Variants in KCNQ4 observed in about 807,000 individuals in gnomAD.
KCNQ4 encodes potassium voltage-gated channel subfamily Q member 4.
In KCNQ4, 31 loss-of-function variants were observed where a neutral mutation model predicts 72.6. That is an observed-to-expected ratio of 0.43 (90% CI 0.32 to 0.58). The LOEUF is 0.58. Among genes scored for constraint, KCNQ4 ranks in the 20% least tolerant of loss-of-function variants. KCNQ4 has a pLI of 0.08. For synonymous variants in KCNQ4, 405 were observed against 403.7 expected (o/e 1.00, Z -0.04); for missense variants, 869 against 962.6 (o/e 0.90, Z 1.29).
chr1:40,831,688 A>G (rs1319716201), intron 10 of KCNQ4, among the ~76,000 whole-genome samples: 3 of 152,256 alleles, frequency 2.0e-5, no homozygotes, highest in Admixed American at 2.0e-4. Context: ...TATTGTGAGG[A>G]TTAAATGAGA....
chr1:40,824,751 G>A (rs1430852052), intron 9 of KCNQ4, among the ~76,000 whole-genome samples: 1 of 152,184 alleles, frequency 6.6e-6, no homozygotes, highest in East Asian at 1.9e-4. Context: ...TCTTGGGAAC[G>A]AGATGCCAGC....
At chr1:40,793,476 T>C (rs1032194151) in intron 1 of KCNQ4, among the ~76,000 whole-genome samples, 2 of 151,948 alleles carry the variant, frequency 1.3e-5, no homozygotes, top group African/African-American at 4.8e-5. Context: ...ACATCAGGGG[T>C]CACCCCTATG....
At chr1:40,819,287 C>G (rs1570831004) in intron 4 of KCNQ4, 60 bp from the exon 5 acceptor site, 1 of 1,605,386 alleles carries the variant, frequency 6.2e-7, no homozygotes, top group East Asian at 2.2e-5. Context: ...GTGTGGAAGC[C>G]CCCCACATCT....
At chr1:40,814,618 G>A (rs986526382) in intron 1 of KCNQ4, among the ~76,000 whole-genome samples, 1 of 152,052 alleles carries the variant, frequency 6.6e-6, no homozygotes, top group Non-Finnish European at 1.5e-5. Context: ...GTAGGAGGAT[G>A]GCTTGAGCTC....
rs190403081 is a variant in KCNQ4 at position 40,840,103 on chromosome 1, G to A, written c.*1580G>A. ...CCACGCTGCCTGCATCTCGTGCTGG[G>A]GACCTGCATGCGCCAGCACCAGGGC... On this transcript the variant is annotated 3_prime_UTR_variant, in exon 14 of 14. Coordinates refer to ENST00000347132, the MANE Select transcript of KCNQ4 (RefSeq NM_004700.4). 6.6e-6 allele frequency: 1 copy of A among 152,398 alleles called. No homozygotes were observed. Among genetic ancestry groups the A allele is most frequent in the Non-Finnish European group, 1.5e-5 (1 of 68,072 alleles). 9.4% of individuals were successfully genotyped at this position (152,398 alleles called of 1,614,324 possible). A position where few individuals can be genotyped will look rare whatever the true frequency, so the allele number is the denominator to read the frequency against.
At chr1:40,837,111 A>G (rs539360725) in intron 12 of KCNQ4, among the ~76,000 whole-genome samples, 24 of 129,804 alleles carry the variant, frequency 1.8e-4, no homozygotes, top group African/African-American at 6.9e-4. Context: ...TTTTTGAGAC[A>G]GTATCTTGCT....
intron 1 of KCNQ4, among the ~76,000 whole-genome samples, chr1:40,799,094 C>T (rs1647497171): frequency 6.6e-6 from 1 of 152,270 alleles, no homozygotes; most frequent in Non-Finnish European, 1.5e-5. Context: ...TGTCCTTGCC[C>T]CATGCCCAGC....
chr1:40,838,647 G>A lies in KCNQ4; in HGVS notation c.*124G>A, dbSNP rs747443467. On this transcript the variant is annotated 3_prime_UTR_variant, in exon 14 of 14. Transcript: ENST00000347132. ...TCCCTCACGGGGAGAGAGACCACAC[G>A]CAGTATTGAGCTGCCTGAGTGGGCG... is the stretch of plus-strand genomic sequence containing the variant. 8 of 899,064 alleles carry A rather than the reference G, an allele frequency of 8.9e-6. No individual in the cohort carries two copies. The highest frequency in any genetic ancestry group is 2.0e-5 in the Admixed American group (1 of 50,414). 55.7% of individuals were successfully genotyped at this position (899,064 alleles called of 1,614,324 possible). A position where few individuals can be genotyped will look rare whatever the true frequency, so the allele number is the denominator to read the frequency against.
In KCNQ4 at chr1:40,818,668, C is replaced by T. The variant is rs371645760; in HGVS notation, c.696C>T (p.Tyr232=). 1.0e-5 allele frequency: 16 copies of T among 1,602,804 alleles called. No individual in the cohort carries two copies. Among genetic ancestry groups the T allele is most frequent in the African/African-American group, 1.3e-5 (1 of 74,796 alleles). ...GGAAGCTGCTGGGCTCAGTGGTCTA[C>T]GCGCATAGCAAGGTGAGGCCTGCAA... ...GTWKLLGSVV[Y]AHSKELITAW... Residue 232 remains tyrosine, a synonymous_variant, in exon 4 of 14, where the codon TAC becomes TAT. Coordinates refer to ENST00000347132, the MANE Select transcript of KCNQ4 (RefSeq NM_004700.4).
chr1:40,818,405 C>T (rs907729003), intron 3 of KCNQ4, 100 bp from the exon 4 acceptor site: 2 of 1,545,662 alleles, frequency 1.3e-6, no homozygotes, highest in South Asian at 1.1e-5. Context: ...CGGACCCTCC[C>T]CCTCCCTCCC....
At chr1:40,816,176 G>A (rs572071527) in intron 1 of KCNQ4, among the ~76,000 whole-genome samples, 1 of 152,154 alleles carries the variant, frequency 6.6e-6, no homozygotes, top group African/African-American at 2.4e-5. Flanking sequence ...GGACATCTGG[G>A]AAGGCTGGCG....
At chr1:40,813,897 G>A (rs750652488) in intron 1 of KCNQ4, among the ~76,000 whole-genome samples, 2 of 151,512 alleles carry the variant, frequency 1.3e-5, no homozygotes, top group Non-Finnish European at 2.9e-5. Flanking sequence ...ACAGGCATCC[G>A]CCAGCAAGCC....
intron 1 of KCNQ4, among the ~76,000 whole-genome samples, chr1:40,805,747 T>G (rs552942537): frequency 6.6e-6 from 1 of 152,332 alleles, no homozygotes; most frequent in East Asian, 1.9e-4. Flanking sequence ...TGGGTGGGGC[T>G]TTCCTTGCAA....
At chr1:40,822,516 G>A in intron 8 of KCNQ4, 114 bp downstream of exon 8, 1 of 795,968 alleles carries the variant, frequency 1.3e-6, no homozygotes, top group Non-Finnish European at 2.1e-6. Context: ...TCCCAGGGGA[G>A]CACCCTGGGC....
Position 40,819,454 on chromosome 1 carries a change from C to T in KCNQ4, c.816C>T (p.Asp272=). ...ACTCCGACTTCTCCTCCTACGCCGA[C>T]TCGCTCTGGTGGGGGACGGTGCGTG... The part of the protein sequence containing the change: ...DANSDFSSYA[D]SLWWGTITLT... The change falls in exon 5 of 14, where the codon GAC becomes GAT. Residue 272 remains aspartate (D), a synonymous_variant. Transcript: ENST00000347132. 2.5e-6 allele frequency: 4 copies of T among 1,613,864 alleles called. No homozygotes were observed. The highest frequency in any genetic ancestry group is 3.4e-6 in the Non-Finnish European group (4 of 1,179,922).
chr1:40,793,851 T>G (rs1557987765), intron 1 of KCNQ4, among the ~76,000 whole-genome samples: 3 of 152,128 alleles, frequency 2.0e-5, no homozygotes. Flanking sequence ...GCACTCCCTA[T>G]CCCCATTACC....
At chr1:40,803,577 A>T (rs556577986) in intron 1 of KCNQ4, among the ~76,000 whole-genome samples, 129 of 152,276 alleles carry the variant, frequency 8.5e-4, no homozygotes, top group African/African-American at 2.9e-3. Flanking sequence ...ATGTCCTCCC[A>T]GCTTCCAGTT....
intron 1 of KCNQ4, among the ~76,000 whole-genome samples, chr1:40,789,641 C>T (rs1394283730): frequency 2.0e-5 from 3 of 152,194 alleles, no homozygotes; most frequent in African/African-American, 7.2e-5. Flanking sequence ...CCCACCCCAC[C>T]CCAACTCCAT....
chr1:40,823,431 G>C (rs1450749107), intron 8 of KCNQ4, among the ~76,000 whole-genome samples: 1 of 152,162 alleles, frequency 6.6e-6, no homozygotes, highest in Non-Finnish European at 1.5e-5. Context: ...GAAGATCTGG[G>C]GGTGGGGGTG....
Sources: gnomAD v4.1 joint callset for allele counts (sites outside exome capture counted in the v4.1 genomes callset) on GRCh38, gnomAD v4.1.1 for gene constraint, MANE v1.5 for transcripts, NCBI Gene and HGNC (gene_info 2026-07-23, HGNC 2026-07-21) for gene names.